AHNAK: variants seen among roughly 807,000 people sequenced by gnomAD.
AHNAK encodes neuroblast differentiation-associated protein AHNAK.
Under a neutral mutation model 37.8 loss-of-function variants are expected in AHNAK, and 23 were observed. The observed-to-expected ratio is 0.61, with a 90% CI of 0.44 to 0.86. The LOEUF is 0.86. AHNAK is among the 40% of genes least tolerant of loss of function. AHNAK has a pLI of 0.00. For missense variants in AHNAK, 7,411 were observed against 7,319.4 expected, an observed-to-expected ratio of 1.01 and a Z score of -0.46; for synonymous variants, 2,481 against 2,636.3, an observed-to-expected ratio of 0.94 and a Z score of 1.80.
chr11:62,532,155 C>T lies in AHNAK; in HGVS notation c.2262G>A (p.Met754Ile), dbSNP rs1940777597. 6.2e-7 allele frequency: 1 copy of T among 1,613,990 alleles called. No individual in the cohort carries two copies. The highest frequency in any genetic ancestry group is 2.2e-5 in the East Asian group (1 of 44,874). The change falls in exon 5 of 5, where the codon ATG becomes ATA. Residue 754 changes from methionine to isoleucine, a missense_variant. Coordinates refer to ENST00000378024, the MANE Select transcript of AHNAK (RefSeq NM_001620.3). ...DWHLKMPKMK[M>I]PKFSVPGFKA... is the part of the protein sequence containing the mutation. ...TGAACCCTGGCACACTGAATTTGGGCATTTTCATCTTGGGCATCTTCAAGT... is the reference window on the plus strand; with the variant it reads ...TGAACCCTGGCACACTGAATTTGGGTATTTTCATCTTGGGCATCTTCAAGT...
At chr11:62,538,576 G>A (rs947417928) in intron 1 of AHNAK, among the ~76,000 whole-genome samples, 7 of 152,148 alleles carry the variant, frequency 4.6e-5, no homozygotes, top group Non-Finnish European at 8.8e-5. Context: ...CATGTATACC[G>A]GCTGCCTCCA....
Position 62,519,660 on chromosome 11 carries a change from A to C in AHNAK, c.14757T>G (p.Pro4919=). The C allele has an allele frequency of 6.2e-7, 1 of 1,614,068 alleles. No homozygotes were observed. Among genetic ancestry groups the C allele is most frequent in the Non-Finnish European group, 8.5e-7 (1 of 1,179,994 alleles). The change falls in exon 5 of 5, where the codon CCT becomes CCG. Residue 4919 remains proline, a synonymous_variant. Transcript: ENST00000378024. ...LEISAPKVTA[P]DVDLHLKAPK... ...GTGCCTTGAGATGCAAATCAACATC[A>C]GGAGCAGTTACTTTAGGAGCAGATA...
chr11:62,507,001 T>TG (rs2134178874), intron 4 of AHNAK, among the ~76,000 whole-genome samples: 1 of 152,300 alleles, frequency 6.6e-6, no homozygotes, highest in East Asian at 1.9e-4. Context: ...TCTTGCTCCC[T>TG]GGCCTGACCC....
chr11:62,475,806 T>C (rs963611085), intron 5 of AHNAK, among the ~76,000 whole-genome samples: 1 of 151,776 alleles, frequency 6.6e-6, no homozygotes, highest in Non-Finnish European at 1.5e-5. Context: ...GGTTTCACCA[T>C]GTTGGCCAGG....
At chr11:62,471,433 C>T (rs940205873) in intron 5 of AHNAK, among the ~76,000 whole-genome samples, 2 of 152,140 alleles carry the variant, frequency 1.3e-5, no homozygotes, top group African/African-American at 4.8e-5. Flanking sequence ...CCTCAGCCTC[C>T]CAAAGTGCTG....
At chr11:62,461,453 T>A (rs923835819) in intron 5 of AHNAK, among the ~76,000 whole-genome samples, 2 of 152,194 alleles carry the variant, frequency 1.3e-5, no homozygotes, top group African/African-American at 4.8e-5. Context: ...CCAAGTTGCC[T>A]TTTTAAGTAA....
intron 5 of AHNAK, among the ~76,000 whole-genome samples, chr11:62,439,287 G>A (rs887528877): frequency 4.6e-5 from 7 of 151,634 alleles, no homozygotes; most frequent in Non-Finnish European, 8.8e-5. Flanking sequence ...TAGTAGACAC[G>A]GGGTTTCGCT....
chr11:62,457,908 A>ATTTTTT (rs373610508), intron 5 of AHNAK, among the ~76,000 whole-genome samples: 1 of 123,494 alleles, frequency 8.1e-6, no homozygotes, highest in Admixed American at 8.8e-5. Context: ...GAGAAGCTGA[A>ATTTTTT]TTTTTTTTTT....
Position 62,439,220 on chromosome 11 carries a change from G to C in AHNAK, c.443-5329C>G, listed in dbSNP as rs551602171. Among the ~76,000 whole-genome samples the C allele has an allele frequency of 4.4e-3, 644 of 148,042 alleles. 3 individuals are homozygous for C. The highest frequency in any genetic ancestry group is 7.6e-3 in the Non-Finnish European group (514 of 67,354). ...TGCCATTCTCCTGCCTCAGCCTCCC[G>C]AGTAGCTGGGATTACAAGCGCCCGC... On this transcript the variant is annotated intron_variant, in intron 5 of 5. Transcript: ENST00000257247.
chr11:62,452,140 G>T (rs1249118209), intron 5 of AHNAK, among the ~76,000 whole-genome samples: 1 of 152,132 alleles, frequency 6.6e-6, no homozygotes, highest in African/African-American at 2.4e-5. Flanking sequence ...AGCCTGCCTG[G>T]CAGGGCACAA....
intron 4 of AHNAK, among the ~76,000 whole-genome samples, chr11:62,495,699 A>G (rs1029213756): frequency 1.3e-5 from 2 of 151,286 alleles, no homozygotes; most frequent in Non-Finnish European, 2.9e-5. Context: ...AGATCACGCC[A>G]CTGCACTCCA....
At position 62,523,791 on chromosome 11, in the gene AHNAK, C is replaced by T; in HGVS notation, c.10626G>A (p.Lys3542=). ...TTAAGTCAATGTCAGGCATGGAGAT[C>T]TTGGGAGCTTTGATATTCATGTCAG... ...KMPDMNIKAP[K]ISMPDIDLNL... is the part of the protein sequence containing the mutation. The change falls in exon 5 of 5, where the codon AAG becomes AAA. Residue 3542 remains lysine, a synonymous_variant. Coordinates refer to ENST00000378024, the MANE Select transcript of AHNAK (RefSeq NM_001620.3). The T allele has an allele frequency of 1.2e-6, 2 of 1,614,152 alleles. No homozygotes were observed. Among genetic ancestry groups the T allele is most frequent in the Non-Finnish European group, 1.7e-6 (2 of 1,180,018 alleles).
intron 5 of AHNAK, among the ~76,000 whole-genome samples, chr11:62,457,080 C>T (rs1359094913): frequency 2.0e-5 from 3 of 152,140 alleles, no homozygotes; most frequent in Admixed American, 1.3e-4. Flanking sequence ...GCGGGAGGAT[C>T]ACCTGAGGTC....
intron 5 of AHNAK, among the ~76,000 whole-genome samples, chr11:62,471,542 G>T (rs567865229): frequency 6.6e-6 from 1 of 152,216 alleles, no homozygotes; most frequent in Non-Finnish European, 1.5e-5. Context: ...TGTCACATGA[G>T]GTCAGGTGTG....
intron 5 of AHNAK, among the ~76,000 whole-genome samples, chr11:62,472,212 C>T (rs960999766): frequency 4.6e-5 from 7 of 152,080 alleles, no homozygotes; most frequent in African/African-American, 7.2e-5. Context: ...GGCCCAGCCC[C>T]GGCCTCCACT....
In AHNAK at chr11:62,522,643, C is replaced by T. The variant is rs1421076778; in HGVS notation, c.11774G>A (p.Gly3925Asp). Residue 3925 changes from glycine (G) to aspartate (D), a missense_variant, in exon 5 of 5, where the codon GGC (glycine) becomes GAC (aspartate). Gly to Asp is a moderately conservative substitution (Grantham distance 94). Coordinates refer to ENST00000378024, the MANE Select transcript of AHNAK (RefSeq NM_001620.3). ...AGGCATCTTCAGGTGCCAGTCTGGG[C>T]CTCGAACATCCACATCTGGGGCATT... ...DINAPDVDVR[G>D]PDWHLKMPKI... The T allele has an allele frequency of 6.2e-7, 1 of 1,612,836 alleles. No individual in the cohort carries two copies. Among genetic ancestry groups the T allele is most frequent in the South Asian group, 1.1e-5 (1 of 91,010 alleles).
rs1156659878 is a variant in AHNAK at position 62,523,977 on chromosome 11, G to A, written c.10440C>T (p.Pro3480=). The change falls in exon 5 of 5, where the codon CCC becomes CCT. Residue 3480 remains proline (P), a synonymous_variant. Transcript: ENST00000378024. ...WNLKMPKMKM[P]KFSVSGLKAE... ...CTTTTAAGCCAGACACACTGAATTT[G>A]GGCATTTTCATCTTGGGCATTTTCA... 2.5e-6 allele frequency: 4 copies of A among 1,613,788 alleles called. No homozygotes were observed. Among genetic ancestry groups the A allele is most frequent in the African/African-American group, 1.3e-5 (1 of 74,822 alleles).
intron 4 of AHNAK, among the ~76,000 whole-genome samples, chr11:62,492,706 C>T (rs1205729647): frequency 1.3e-5 from 2 of 151,632 alleles, no homozygotes; most frequent in Non-Finnish European, 2.9e-5. Flanking sequence ...CCCACCTCTA[C>T]AAAAAATAAA....
intron 5 of AHNAK, among the ~76,000 whole-genome samples, chr11:62,472,709 T>C (rs544713588): frequency 1.1e-4 from 16 of 152,122 alleles, no homozygotes; most frequent in Non-Finnish European, 2.4e-4. Context: ...CTTAAAATAC[T>C]GTGACAGTGA....
Sources: allele counts gnomAD v4.1 joint callset (sites outside exome capture counted in the v4.1 genomes callset), GRCh38; gene constraint gnomAD v4.1.1; transcripts MANE v1.5; gene names NCBI Gene and HGNC (gene_info 2026-07-23, HGNC 2026-07-21).